Variants in MAK observed in about 807,000 individuals in gnomAD.
MAK encodes the protein serine/threonine-protein kinase MAK.
In MAK, 65 loss-of-function variants were observed where a neutral mutation model predicts 82.6. The ratio of observed to expected loss-of-function variants is 0.79; its 90% CI spans 0.64 to 0.97. The LOEUF (loss-of-function observed/expected upper bound fraction) is 0.97. Ranked by LOEUF, MAK falls within the 50% of genes least tolerant of loss-of-function variation. The probability of loss-of-function intolerance (pLI) is 0.00; values close to 1 mark genes in which losing one functional copy is unlikely to be tolerated. For missense variants in MAK, 703 were observed against 780.2 expected, an observed-to-expected ratio of 0.90 and a Z score of 1.18; for synonymous variants, 250 against 274.2, an observed-to-expected ratio of 0.91 and a Z score of 0.87.
In MAK at chr6:10,824,354, C is replaced by T. The variant is rs115308765; in HGVS notation, c.102-5414G>A. Among the ~76,000 whole-genome samples the T allele has an allele frequency of 8.0e-3, 1,222 of 152,266 alleles. 19 individuals carry two copies. Among genetic ancestry groups the T allele is most frequent in the African/African-American group, 0.027 (1,121 of 41,562 alleles). Reference sequence around the variant, plus strand: ...GATCATAACCTCCTATCCTTTTCACCGTCGCTACCCTCAAAACTTCTTTAT... The same window carrying T: ...GATCATAACCTCCTATCCTTTTCACTGTCGCTACCCTCAAAACTTCTTTAT... On this transcript the variant is annotated intron_variant, in intron 2 of 14. Transcript: ENST00000354489.
Position 10,780,768 on chromosome 6 carries a change from CA to C in MAK, c.1465+3655del, listed in dbSNP as rs576002828. 4.8e-3 allele frequency among the ~76,000 whole-genome samples: 721 copies of C among 151,772 alleles called. 2 individuals are homozygous for C. The highest frequency in any genetic ancestry group is 0.027 in the Middle Eastern group (8 of 294). On this transcript the variant is annotated intron_variant, in intron 11 of 14. Transcript: ENST00000354489. ...GGCAAAATGTACCAATTTAAACAAACAAAAAAACAAAAAACACAGTGAAAAC... is the reference window on the plus strand; with the variant it reads ...GGCAAAATGTACCAATTTAAACAAACAAAAAACAAAAAACACAGTGAAAAC...
At position 10,813,122 on chromosome 6, in the gene MAK, ATATATATATATAAATTTTTTTTTTTTTT is replaced by A. The variant is rs1777144345; in HGVS notation, c.358+494_358+521del. 2.5e-3 allele frequency among the ~76,000 whole-genome samples: 4 copies of A among 1,620 alleles called. 1 individual carries two copies. The highest frequency in any genetic ancestry group is 9.1e-3 in the African/African-American group (3 of 330). 1.1% of individuals were successfully genotyped at this position (1,620 alleles called of 152,430 possible). A position where few individuals can be genotyped will look rare whatever the true frequency, so the allele number is the denominator to read the frequency against. On this transcript the variant is annotated intron_variant, in intron 5 of 14. Transcript: ENST00000354489. Reference sequence around the variant, plus strand: ...TATATATATATATATATATATATATATATATATATATAAATTTTTTTTTTTTTTTTTTTTTTTTTTTTTTGAGATGGAG... The same window carrying A: ...TATATATATATATATATATATATATATTTTTTTTTTTTTTTTGAGATGGAG...
chr6:10,769,485 G>T (rs1772788466), intron 14 of MAK, among the ~76,000 whole-genome samples: 2 of 152,316 alleles, frequency 1.3e-5, no homozygotes, highest in South Asian at 4.1e-4. Flanking sequence ...GGAGGGTGGA[G>T]GGATAAACCC....
rs1428610109 is a variant in MAK, at chr6:10,830,538, C to T, written c.101+10G>A. ...TTCAAAGGTGAAGTTGGCAGTGTCA[C>T]ACACAGTACCTTTTGATGGCCACCA... On this transcript the variant is annotated intron_variant, in intron 2 of 14. Coordinates refer to ENST00000354489, the MANE Select transcript of MAK (RefSeq NM_001242957.3). 8.7e-6 allele frequency: 14 copies of T among 1,608,640 alleles called. No individual in the cohort carries two copies. Among genetic ancestry groups the T allele is most frequent in the Non-Finnish European group, 1.1e-5 (13 of 1,175,138 alleles).
At chr6:10,773,227 A>C (rs1773177051) in intron 12 of MAK, 119 bp from the exon 13 acceptor site, 2 of 525,156 alleles carry the variant, frequency 3.8e-6, no homozygotes, top group Non-Finnish European at 6.6e-6. Flanking sequence ...TAAAAATGCA[A>C]AAATGTCCCC....
intron 13 of MAK, among the ~76,000 whole-genome samples, chr6:10,771,392 C>T (rs565673738): frequency 1.2e-3 from 190 of 152,266 alleles, no homozygotes; most frequent in African/African-American, 4.3e-3. Context: ...ACCAGCACCG[C>T]CCCTGGGATC....
intron 11 of MAK, among the ~76,000 whole-genome samples, chr6:10,783,453 T>G (rs759181535): frequency 2.0e-5 from 3 of 152,140 alleles, no homozygotes; most frequent in Non-Finnish European, 4.4e-5. Context: ...CTTCCCTTTC[T>G]CAGCTAAAGT....
intron 10 of MAK, among the ~76,000 whole-genome samples, chr6:10,790,575 A>T (rs1010606762): frequency 6.6e-6 from 1 of 152,248 alleles, no homozygotes; most frequent in East Asian, 1.9e-4. Flanking sequence ...TGATTGAAAA[A>T]AGTTTAGAAT....
chr6:10,811,640 C>T (rs1048443231), intron 5 of MAK, among the ~76,000 whole-genome samples: 1 of 152,148 alleles, frequency 6.6e-6, no homozygotes, highest in Non-Finnish European at 1.5e-5. Flanking sequence ...GCAGATGTCC[C>T]TTATTTCCAT....
chr6:10,836,658 G>C (rs780421253), intron 1 of MAK, among the ~76,000 whole-genome samples: 4 of 152,058 alleles, frequency 2.6e-5, no homozygotes, highest in Non-Finnish European at 5.9e-5. Context: ...TTGACCTATG[G>C]AAAACTAATC....
chr6:10,811,604 G>A (rs1045098082), intron 5 of MAK, among the ~76,000 whole-genome samples: 6 of 152,122 alleles, frequency 3.9e-5, no homozygotes, highest in Non-Finnish European at 7.3e-5. Context: ...TTAAAAATCA[G>A]GAATCCATTA....
At chr6:10,798,370 C>CCCAA (rs1775741274) in intron 8 of MAK, among the ~76,000 whole-genome samples, 1 of 152,062 alleles carries the variant, frequency 6.6e-6, no homozygotes, top group Non-Finnish European at 1.5e-5. Context: ...ACCTTGGCCT[C>CCCAA]TCAAAGTGCT....
At chr6:10,824,024 TG>T (rs761021050) in intron 2 of MAK, among the ~76,000 whole-genome samples, 1 of 151,816 alleles carries the variant, frequency 6.6e-6, no homozygotes, top group Non-Finnish European at 1.5e-5. Flanking sequence ...GAAGGGAGAA[TG>T]AAGACTCTAA....
chr6:10,782,223 CACACACACACACACACACACACACACAG>C (rs1400820649), intron 11 of MAK, among the ~76,000 whole-genome samples: 3 of 145,742 alleles, frequency 2.1e-5, no homozygotes, highest in Non-Finnish European at 4.4e-5. Context: ...CACACACACA[CACACACACACACACACACACACACACAG>C]ACACACACCA....
At chr6:10,792,828 T>A (rs115539457) in intron 9 of MAK, among the ~76,000 whole-genome samples, 2,622 of 152,272 alleles carry the variant, frequency 0.017, 37 homozygotes, top group Non-Finnish European at 0.029. Flanking sequence ...TTCTCTACAC[T>A]ATTACTTTCT....
chr6:10,815,911 A>AATATATATATATATATATATAT (rs1561991497), intron 4 of MAK, among the ~76,000 whole-genome samples: 5 of 78,176 alleles, frequency 6.4e-5, no homozygotes, highest in African/African-American at 3.6e-4. Context: ...AGCTTTATAC[A>AATATATATATATATATATATAT]GTATATATAT....
In MAK at chr6:10,763,380, G is replaced by A. The variant is rs1337817619; in HGVS notation, c.*1072C>T. 1 of 152,112 alleles carries A rather than the reference G, an allele frequency of 6.6e-6. No individual in the cohort carries two copies. The highest frequency in any genetic ancestry group is 2.4e-5 in the African/African-American group (1 of 41,410). 9.4% of individuals were successfully genotyped at this position (152,112 alleles called of 1,614,324 possible). On this transcript the variant is annotated 3_prime_UTR_variant, in exon 15 of 15. Coordinates refer to ENST00000354489, the MANE Select transcript of MAK (RefSeq NM_001242957.3). ...TCCAGAACTTTCTTAATGATGTCCA[G>A]CCAAGAGAACCTTGACTTGGTTACT...
chr6:10,803,927 T>G, intron 6 of MAK, 36 bp from the exon 7 acceptor site: 1 of 1,594,464 alleles, frequency 6.3e-7, no homozygotes, highest in Non-Finnish European at 8.6e-7. Flanking sequence ...TAATTTTGAT[T>G]GCAATTTCAA....
intron 6 of MAK, among the ~76,000 whole-genome samples, chr6:10,807,434 C>T (rs372764248): frequency 3.4e-5 from 5 of 148,488 alleles, no homozygotes; most frequent in East Asian, 2.0e-4. Flanking sequence ...CCTCTGCCCC[C>T]AAGGTTCAAG....
Sources: gnomAD v4.1 joint callset for allele counts (sites outside exome capture counted in the v4.1 genomes callset) on GRCh38, gnomAD v4.1.1 for gene constraint, MANE v1.5 for transcripts, NCBI Gene and HGNC (gene_info 2026-07-23, HGNC 2026-07-21) for gene names.